The following NEGR1 variants were observed in gnomAD, a reference collection of about 807,000 sequenced individuals.
NEGR1 encodes the protein neuronal growth regulator 1.
Under a neutral mutation model 40.9 loss-of-function variants are expected in NEGR1, and 10 were observed. The ratio of observed to expected loss-of-function variants is 0.24; its 90% CI spans 0.15 to 0.42. The LOEUF (loss-of-function observed/expected upper bound fraction) is 0.42. Ranked by LOEUF, NEGR1 falls within the 10% of genes least tolerant of loss-of-function variation. The pLI, the probability that NEGR1 is intolerant of heterozygous loss-of-function variation, is 1.00. For missense variants in NEGR1, 352 were observed against 438.9 expected (o/e 0.80, Z 1.77); for synonymous variants, 185 against 166.8 (o/e 1.11, Z -0.84).
chr1:71,711,702 C>T (rs897607745), intron 3 of NEGR1, among the ~76,000 whole-genome samples: 2 of 152,110 alleles, frequency 1.3e-5, no homozygotes, highest in African/African-American at 2.4e-5. Flanking sequence ...ATTAGCATTA[C>T]TGACAATTGC....
At chr1:71,998,998 T>A (rs899077650) in intron 1 of NEGR1, among the ~76,000 whole-genome samples, 2 of 151,914 alleles carry the variant, frequency 1.3e-5, no homozygotes, top group African/African-American at 4.8e-5. Context: ...TATTAAACGA[T>A]CAATATAGTT....
chr1:71,561,281 T>C (rs1648449150), intron 6 of NEGR1, among the ~76,000 whole-genome samples: 1 of 151,682 alleles, frequency 6.6e-6, no homozygotes, highest in African/African-American at 2.4e-5. Context: ...CAAATTTCAA[T>C]TTTTCCCATA....
intron 2 of NEGR1, among the ~76,000 whole-genome samples, chr1:71,833,123 A>G (rs929637745): frequency 1.1e-4 from 17 of 152,196 alleles, no homozygotes; most frequent in African/African-American, 4.1e-4. Flanking sequence ...CGTTTTCTTC[A>G]ATATAGGCTA....
rs773016783 is a variant in NEGR1 at position 72,061,088 on chromosome 1, A to T, written c.177-125777T>A. Among the ~76,000 whole-genome samples the T allele has an allele frequency of 3.3e-5, 5 of 151,712 alleles. No homozygotes were observed. In the South Asian group the frequency reaches 1.0e-3, roughly 31 times the overall value. On this transcript the variant is annotated intron_variant, in intron 1 of 6. Coordinates refer to ENST00000357731, the MANE Select transcript of NEGR1 (RefSeq NM_173808.3). ...ACTCAGGGCTAGAATCTATGACATA[A>T]CTACTTCCTCATCCTCAGTGAAATG...
chr1:71,666,496 C>CT (rs11413977), intron 4 of NEGR1, among the ~76,000 whole-genome samples: 76,121 of 151,882 alleles, frequency 0.5, 19,103 homozygotes, highest in Middle Eastern at 0.55. Flanking sequence ...TACTGCAGAT[C>CT]TTTATTTCAA....
intron 1 of NEGR1, among the ~76,000 whole-genome samples, chr1:72,073,645 A>G (rs1457234629): frequency 2.0e-5 from 3 of 152,120 alleles, no homozygotes; most frequent in Admixed American, 1.3e-4. Context: ...TTCTTAAACT[A>G]TGTCAATAAT....
intron 5 of NEGR1, among the ~76,000 whole-genome samples, chr1:71,594,556 G>A (rs1649625978): frequency 6.6e-6 from 1 of 152,124 alleles, no homozygotes. Flanking sequence ...AAAAGTGTGA[G>A]TTAAATAAAC....
At chr1:71,586,944 C>G (rs1211443316) in intron 6 of NEGR1, among the ~76,000 whole-genome samples, 1 of 152,088 alleles carries the variant, frequency 6.6e-6, no homozygotes. Flanking sequence ...CCAAGGAAAG[C>G]CTTCTCATTA....
At chr1:71,581,782 A>G (rs1017201671) in intron 6 of NEGR1, among the ~76,000 whole-genome samples, 2 of 151,166 alleles carry the variant, frequency 1.3e-5, no homozygotes, top group Non-Finnish European at 2.9e-5. Context: ...GGCTCACTGC[A>G]GCCTTGACCT....
At chr1:72,120,668 AC>A (rs1225130945) in intron 1 of NEGR1, among the ~76,000 whole-genome samples, 1 of 150,740 alleles carries the variant, frequency 6.6e-6, no homozygotes, top group Admixed American at 6.7e-5. Context: ...CACTACCTCC[AC>A]CCCACAACAG....
intron 6 of NEGR1, among the ~76,000 whole-genome samples, chr1:71,553,340 C>A (rs1405273630): frequency 1.3e-5 from 2 of 151,524 alleles, no homozygotes; most frequent in African/African-American, 2.4e-5. Context: ...TCTCTGGTAT[C>A]AAAGTATTAA....
chr1:71,578,698 T>C lies in NEGR1; in HGVS notation c.940+14119A>G, dbSNP rs995804926. 4.7e-4 allele frequency among the ~76,000 whole-genome samples: 71 copies of C among 152,038 alleles called. 1 individual carries two copies. Among genetic ancestry groups the C allele is most frequent in the African/African-American group, 1.7e-4 (7 of 41,418 alleles). On this transcript the variant is annotated intron_variant, in intron 6 of 6. Coordinates refer to ENST00000357731, the MANE Select transcript of NEGR1 (RefSeq NM_173808.3). ...AAAGGGAGATTAGATCAAACACATA[T>C]GGTATGAATTAATGAATAGACTAAC... is the stretch of plus-strand genomic sequence containing the variant.
chr1:71,579,586 T>C (rs760917481), intron 6 of NEGR1, among the ~76,000 whole-genome samples: 7 of 147,854 alleles, frequency 4.7e-5, no homozygotes, highest in Non-Finnish European at 8.9e-5. Flanking sequence ...AAATACAAAA[T>C]AATACAACTA....
intron 2 of NEGR1, among the ~76,000 whole-genome samples, chr1:71,819,820 A>G (rs1454538631): frequency 1.3e-5 from 2 of 152,070 alleles, no homozygotes; most frequent in Non-Finnish European, 2.9e-5. Flanking sequence ...GGAAAATGCT[A>G]GAATGAATAT....
intron 4 of NEGR1, among the ~76,000 whole-genome samples, chr1:71,675,624 A>C (rs1051043000): frequency 1.3e-5 from 2 of 151,936 alleles, no homozygotes; most frequent in Non-Finnish European, 2.9e-5. Flanking sequence ...TGGGATTATG[A>C]GTTTGAACTT....
chr1:71,710,879 G>T (rs562881083), intron 3 of NEGR1, among the ~76,000 whole-genome samples: 71 of 152,178 alleles, frequency 4.7e-4, no homozygotes, highest in African/African-American at 1.7e-3. Context: ...ATAGCTTAAA[G>T]AATGTAATTG....
At chr1:71,743,168 A>C (rs1419717176) in intron 3 of NEGR1, among the ~76,000 whole-genome samples, 1 of 152,224 alleles carries the variant, frequency 6.6e-6, no homozygotes, top group Non-Finnish European at 1.5e-5. Context: ...CAAACCACCC[A>C]GTCTATGGCA....
intron 1 of NEGR1, among the ~76,000 whole-genome samples, chr1:71,971,910 G>A (rs1241700260): frequency 6.6e-6 from 1 of 152,186 alleles, no homozygotes; most frequent in Non-Finnish European, 1.5e-5. Flanking sequence ...TGTAGGAACA[G>A]CGTTGGCTCT....
intron 1 of NEGR1, among the ~76,000 whole-genome samples, chr1:72,186,495 G>A (rs1244678851): frequency 6.6e-6 from 1 of 151,462 alleles, no homozygotes; most frequent in Admixed American, 6.6e-5. Flanking sequence ...AAAGAGGACT[G>A]GGCCAGATGA....
Sources: gnomAD v4.1 joint callset for allele counts (sites outside exome capture counted in the v4.1 genomes callset) on GRCh38, gnomAD v4.1.1 for gene constraint, MANE v1.5 for transcripts, NCBI Gene and HGNC (gene_info 2026-07-23, HGNC 2026-07-21) for gene names.